Variants in ANAPC10 observed in about 807,000 individuals in gnomAD.
ANAPC10 encodes the protein anaphase promoting complex subunit 10, also known as anaphase-promoting complex subunit 10.
A neutral mutation model predicts 22.0 loss-of-function variants in ANAPC10; 12 were observed. The observed-to-expected ratio is 0.55, with a 90% CI of 0.35 to 0.88. The LOEUF is 0.88. Ranked by LOEUF, ANAPC10 falls within the 40% of genes least tolerant of loss-of-function variation. The pLI is 0.01. For missense variants in ANAPC10, 188 were observed against 220.9 expected, an observed-to-expected ratio of 0.85 and a Z score of 0.94; for synonymous variants, 65 against 69.5, an observed-to-expected ratio of 0.94 and a Z score of 0.32.
At chr4:145,083,731 G>T (rs903763720) in intron 2 of ANAPC10, among the ~76,000 whole-genome samples, 1 of 151,926 alleles carries the variant, frequency 6.6e-6, no homozygotes, top group Non-Finnish European at 1.5e-5. Context: ...TTTTTTTAAC[G>T]TTGTTGCTAG....
At chr4:145,035,846 A>T (rs1300806952) in intron 4 of ANAPC10, among the ~76,000 whole-genome samples, 1 of 152,148 alleles carries the variant, frequency 6.6e-6, no homozygotes, top group East Asian at 1.9e-4. Context: ...CCCTGTAGTA[A>T]ATCCCTTACT....
At chr4:145,057,247 G>A (rs188217562) in intron 4 of ANAPC10, among the ~76,000 whole-genome samples, 5 of 152,214 alleles carry the variant, frequency 3.3e-5, no homozygotes, top group Admixed American at 2.6e-4. Flanking sequence ...TTACTCCAAA[G>A]AGTGCTTAAA....
At chr4:145,016,926 A>G (rs1359157348) in intron 4 of ANAPC10, among the ~76,000 whole-genome samples, 2 of 152,234 alleles carry the variant, frequency 1.3e-5, no homozygotes, top group Non-Finnish European at 2.9e-5. Flanking sequence ...ATATGTAGAA[A>G]GCTGAAACTG....
intron 4 of ANAPC10, among the ~76,000 whole-genome samples, chr4:145,010,494 T>G (rs558893500): frequency 5.9e-5 from 9 of 152,090 alleles, no homozygotes; most frequent in Non-Finnish European, 8.8e-5. Flanking sequence ...TATGCAGCCA[T>G]AAAAAAGGAT....
chr4:145,063,872 C>G (rs1002915179), intron 4 of ANAPC10: 5 of 152,046 alleles, frequency 3.3e-5, no homozygotes, highest in Admixed American at 1.3e-4. Context: ...AAAGTTATAT[C>G]CTGTATGACT....
chr4:145,092,209 C>T (rs535656093), intron 2 of ANAPC10, among the ~76,000 whole-genome samples: 1 of 152,228 alleles, frequency 6.6e-6, no homozygotes, highest in South Asian at 2.1e-4. Context: ...ATAGCTAATG[C>T]ATGCTGGGCT....
chr4:145,024,561 G>A (rs1177878895), intron 4 of ANAPC10, among the ~76,000 whole-genome samples: 1 of 152,174 alleles, frequency 6.6e-6, no homozygotes, highest in East Asian at 1.9e-4. Context: ...TAGGTACATT[G>A]TCAATGAGCA....
rs116601349 is a variant in ANAPC10 at position 145,092,766 on chromosome 4, C to T, written c.115+3219G>A. On this transcript the variant is annotated intron_variant, in intron 2 of 4. Transcript: ENST00000507656. ...CAAAACGTTCTACCCTCCTTCCAAA[C>T]CCTTCTCTCCCATAGAGGAAAGGAC... 4.6e-5 allele frequency among the ~76,000 whole-genome samples: 7 copies of T among 152,270 alleles called. No individual in the cohort carries two copies. The East Asian group carries it at 1.4e-3, about 29-fold the overall frequency.
chr4:145,025,914 C>G (rs1578950112), intron 4 of ANAPC10, among the ~76,000 whole-genome samples: 3 of 152,136 alleles, frequency 2.0e-5, no homozygotes, highest in African/African-American at 7.2e-5. Flanking sequence ...TTGATGGTTT[C>G]CTTTCCCACT....
chr4:145,028,442 G>A (rs960302386), intron 4 of ANAPC10, among the ~76,000 whole-genome samples: 11 of 152,074 alleles, frequency 7.2e-5, no homozygotes, highest in African/African-American at 2.7e-4. Flanking sequence ...TACCTTGTGT[G>A]TAACTTAATG....
intron 4 of ANAPC10, among the ~76,000 whole-genome samples, chr4:145,000,160 A>G (rs1159000837): frequency 6.6e-6 from 1 of 152,344 alleles, no homozygotes; most frequent in East Asian, 1.9e-4. Flanking sequence ...CTTTATGTCT[A>G]AACACCAAAA....
chr4:145,015,042 C>T (rs752741327), intron 4 of ANAPC10, among the ~76,000 whole-genome samples: 4 of 151,930 alleles, frequency 2.6e-5, no homozygotes, highest in South Asian at 2.1e-4. Context: ...TAACACCCCC[C>T]AAAAAATCAT....
At chr4:145,041,807 A>T (rs940384290) in intron 4 of ANAPC10, among the ~76,000 whole-genome samples, 1 of 152,218 alleles carries the variant, frequency 6.6e-6, no homozygotes, top group African/African-American at 2.4e-5. Flanking sequence ...AATAATTAAA[A>T]GATTCATACA....
intron 4 of ANAPC10, among the ~76,000 whole-genome samples, chr4:145,030,745 G>C (rs920148487): frequency 9.2e-5 from 14 of 152,158 alleles, no homozygotes; most frequent in Admixed American, 9.2e-4. Context: ...AAGGCCAAAT[G>C]GAAGCCAATA....
intron 4 of ANAPC10, among the ~76,000 whole-genome samples, chr4:145,014,322 C>A (rs968952087): frequency 4.6e-5 from 7 of 151,920 alleles, no homozygotes; most frequent in Admixed American, 3.3e-4. Flanking sequence ...TGGCTTTCCC[C>A]CACTTCCCTG....
At chr4:145,063,241 T>A (rs1743174581) in intron 4 of ANAPC10, among the ~76,000 whole-genome samples, 2 of 152,160 alleles carry the variant, frequency 1.3e-5, no homozygotes, top group Non-Finnish European at 2.9e-5. Context: ...AAAGTATATA[T>A]ATTTCAAAAC....
At chr4:145,091,528 G>A (rs570435290) in intron 2 of ANAPC10, among the ~76,000 whole-genome samples, 1 of 152,196 alleles carries the variant, frequency 6.6e-6, no homozygotes, top group African/African-American at 2.4e-5. Context: ...TTAAAAAACG[G>A]GGGGAGGGGG....
chr4:145,003,699 T>G (rs994869636), intron 4 of ANAPC10, among the ~76,000 whole-genome samples: 2 of 152,186 alleles, frequency 1.3e-5, no homozygotes, highest in Non-Finnish European at 2.9e-5. Flanking sequence ...CATTGGTGTA[T>G]GTGTCTGTTT....
intron 4 of ANAPC10, among the ~76,000 whole-genome samples, chr4:145,026,775 A>G (rs1357425832): frequency 6.6e-6 from 1 of 150,898 alleles, no homozygotes; most frequent in Non-Finnish European, 1.5e-5. Context: ...TTTAAAAAAC[A>G]AAAACAAAGC....
Sources: allele counts gnomAD v4.1 joint callset (sites outside exome capture counted in the v4.1 genomes callset), GRCh38; gene constraint gnomAD v4.1.1; transcripts MANE v1.5; gene names NCBI Gene and HGNC (gene_info 2026-07-23, HGNC 2026-07-21).